NUP98: variants seen among roughly 807,000 people sequenced by gnomAD.
NUP98 encodes the protein nucleoporin 98 and 96 precursor.
NUP98 carries 26 observed loss-of-function variants against 191.9 expected under a neutral mutation model. The observed-to-expected ratio is 0.14, with a 90% CI of 0.10 to 0.19. NUP98 has a LOEUF of 0.19. Among genes scored for constraint, NUP98 ranks in the 10% least tolerant of loss-of-function variants. NUP98 has a pLI of 1.00. For synonymous variants in NUP98, 808 were observed against 778.4 expected (o/e 1.04, Z -0.63); for missense variants, 1,941 against 2,178.8 (o/e 0.89, Z 2.17).
chr11:3,699,401 C>G (rs539505533), intron 24 of NUP98, 53 bp from the exon 25 acceptor site: 2 of 1,583,706 alleles, frequency 1.3e-6, no homozygotes, highest in African/African-American at 2.7e-5. Context: ...ACAACAACTT[C>G]ACAGAGGGCA....
At chr11:3,713,592 G>A (rs1292705492) in intron 19 of NUP98, among the ~76,000 whole-genome samples, 1 of 152,110 alleles carries the variant, frequency 6.6e-6, no homozygotes, top group Non-Finnish European at 1.5e-5. Context: ...GGTAGTGCAT[G>A]CCTATAATCC....
chr11:3,733,145 C>G (rs767053952), intron 13 of NUP98, among the ~76,000 whole-genome samples: 7 of 152,144 alleles, frequency 4.6e-5, no homozygotes, highest in Non-Finnish European at 1.0e-4. Context: ...CTATCTGATT[C>G]CTGAAAACTT....
intron 18 of NUP98, among the ~76,000 whole-genome samples, chr11:3,716,993 C>T (rs999317819): frequency 1.3e-5 from 2 of 152,050 alleles, no homozygotes; most frequent in Non-Finnish European, 2.9e-5. Context: ...GCAGTACTGA[C>T]ATTTTAACAA....
intron 31 of NUP98, among the ~76,000 whole-genome samples, chr11:3,677,858 T>G: frequency 6.6e-6 from 1 of 152,202 alleles, no homozygotes. Flanking sequence ...GGCACTGTAC[T>G]AGGAGTTGGA....
chr11:3,768,316 G>A (rs796268671), intron 8 of NUP98, among the ~76,000 whole-genome samples: 32 of 151,856 alleles, frequency 2.1e-4, no homozygotes, highest in African/African-American at 6.5e-4. Context: ...AGCTACTCGG[G>A]AGGCTGAGGC....
intron 9 of NUP98, 56 bp from the exon 10 acceptor site, chr11:3,760,682 T>C (rs1038503011): frequency 3.4e-5 from 49 of 1,455,276 alleles, no homozygotes; most frequent in Admixed American, 7.3e-5. Context: ...CACACCAAAC[T>C]AAATACAGGT....
chr11:3,735,162 A>T (rs202119890), intron 13 of NUP98, 29 bp downstream of exon 13: 13 of 1,527,356 alleles, frequency 8.5e-6, no homozygotes, highest in Non-Finnish European at 1.1e-5. Flanking sequence ...CTTTGATATG[A>T]TATTTTACAG....
chr11:3,711,786 T>A, intron 20 of NUP98: 1 of 874,402 alleles, frequency 1.1e-6, no homozygotes, highest in Non-Finnish European at 1.4e-6. Flanking sequence ...TATCATACCC[T>A]CCCCTCCCCT....
chr11:3,706,467 C>A lies in NUP98; in HGVS notation c.2903G>T (p.Gly968Val). The change falls in exon 21 of 33, where the codon GGA (glycine) becomes GTA (valine). Residue 968 changes from glycine to valine, a missense_variant. Gly to Val is a moderately radical substitution (Grantham distance 109). Around this residue, in one of 6 missense-constraint regions of NUP98, gnomAD observed 1,030 missense variants for 1,115.8 expected, o/e 0.92. Coordinates refer to ENST00000324932, the MANE Select transcript of NUP98 (RefSeq NM_016320.5). ...SASTHIASSL[G>V]INPHVLQIMK... ...CACCTGTAAGACATGTGGATTAATT[C>A]CCAGTGAAGATGCAATATGTGTTGA... 1 of 1,614,034 alleles carries A rather than the reference C, an allele frequency of 6.2e-7. No homozygotes were observed. The highest frequency in any genetic ancestry group is 1.3e-5 in the African/African-American group (1 of 75,000).
intron 1 of NUP98, among the ~76,000 whole-genome samples, chr11:3,793,532 C>T (rs568310902): frequency 2.6e-5 from 4 of 152,056 alleles, no homozygotes; most frequent in Non-Finnish European, 4.4e-5. Context: ...GTGATCCACC[C>T]GCTTCAGCCT....
intron 18 of NUP98, among the ~76,000 whole-genome samples, chr11:3,718,093 G>A (rs2079251266): frequency 6.6e-6 from 1 of 152,206 alleles, no homozygotes; most frequent in South Asian, 2.1e-4. Context: ...TAGAATGAGT[G>A]TGAAAGTATT....
chr11:3,750,115 T>C (rs1018114449), intron 11 of NUP98, among the ~76,000 whole-genome samples: 1 of 152,198 alleles, frequency 6.6e-6, no homozygotes, highest in Non-Finnish European at 1.5e-5. Context: ...GTGTAAATTG[T>C]GTGTACTTAA....
chr11:3,764,174 G>C (rs1256971221), intron 8 of NUP98, among the ~76,000 whole-genome samples: 2 of 151,600 alleles, frequency 1.3e-5, no homozygotes, highest in Non-Finnish European at 2.9e-5. Flanking sequence ...TTTTTATTCT[G>C]AACATTTAAT....
chr11:3,747,230 G>C (rs2080540067), intron 11 of NUP98, among the ~76,000 whole-genome samples: 1 of 152,102 alleles, frequency 6.6e-6, no homozygotes, highest in African/African-American at 2.4e-5. Flanking sequence ...AGTGGCCTTA[G>C]AAACTCCAAA....
At chr11:3,681,258 C>A (rs1428297806) in intron 30 of NUP98, among the ~76,000 whole-genome samples, 1 of 152,136 alleles carries the variant, frequency 6.6e-6, no homozygotes, top group East Asian at 1.9e-4. Context: ...CCAGGCTGGT[C>A]TCGAACTCCT....
intron 12 of NUP98, among the ~76,000 whole-genome samples, chr11:3,738,107 A>AAAAACAAAAAAAAACC (rs1554894745): frequency 9.1e-4 from 134 of 147,604 alleles, no homozygotes; most frequent in Non-Finnish European, 1.4e-3. Flanking sequence ...AAAAAAAAAA[A>AAAAACAAAAAAAAACC]CCAAAGACTT....
intron 30 of NUP98, among the ~76,000 whole-genome samples, chr11:3,680,936 C>G (rs2077964969): frequency 6.6e-6 from 1 of 152,174 alleles, no homozygotes; most frequent in Admixed American, 6.5e-5. Context: ...TCATGGCTCA[C>G]TGCAGCCTCA....
intron 13 of NUP98, among the ~76,000 whole-genome samples, 163 bp from the exon 14 acceptor site, chr11:3,731,741 T>C (rs1190887764): frequency 6.6e-6 from 1 of 152,194 alleles, no homozygotes; most frequent in African/African-American, 2.4e-5. Flanking sequence ...ACACCCAACT[T>C]TGTACATGTT....
intron 6 of NUP98, among the ~76,000 whole-genome samples, chr11:3,773,269 G>A (rs959534004): frequency 2.0e-5 from 3 of 151,946 alleles, no homozygotes; most frequent in African/African-American, 4.8e-5. Context: ...GCTGGGCGTG[G>A]GGCACATGCC....
Sources: gnomAD v4.1 joint callset for allele counts (sites outside exome capture counted in the v4.1 genomes callset) on GRCh38, gnomAD v4.1.1 for gene constraint, gnomAD v4.1.1 regional missense constraint, MANE v1.5 for transcripts, NCBI Gene and HGNC (gene_info 2026-07-23, HGNC 2026-07-21) for gene names.